Variants in DBF4B observed in about 807,000 individuals in gnomAD.
DBF4B encodes protein DBF4 homolog B.
Under a neutral mutation model 53.4 loss-of-function variants are expected in DBF4B, and 49 were observed. The ratio of observed to expected loss-of-function variants is 0.92; its 90% CI spans 0.73 to 1.16. The LOEUF (loss-of-function observed/expected upper bound fraction) is 1.16, where lower values mean the gene tolerates loss of function less well. Ranked by LOEUF, DBF4B falls within the 50% of genes most tolerant of loss-of-function variation. DBF4B has a pLI of 0.00. For synonymous variants in DBF4B, 257 were observed against 288.7 expected, an observed-to-expected ratio of 0.89 and a Z score of 1.11; for missense variants, 692 against 775.0, an observed-to-expected ratio of 0.89 and a Z score of 1.27.
chr17:44,723,955 C>A (rs1974070541), intron 3 of DBF4B, among the ~76,000 whole-genome samples: 1 of 151,898 alleles, frequency 6.6e-6, no homozygotes, highest in Non-Finnish European at 1.5e-5. Context: ...ACAAAACATA[C>A]AAAAAATTAA....
chr17:44,744,078 A>ACCCCCCCCC (rs1427135044), intron 10 of DBF4B, among the ~76,000 whole-genome samples: 1 of 12,072 alleles, frequency 8.3e-5, no homozygotes, highest in Non-Finnish European at 1.6e-4. Flanking sequence ...ACATAATGAG[A>ACCCCCCCCC]CCACCCCCCC....
rs900272099 is a variant in DBF4B, at chr17:44,738,283, T to C, written c.668-96T>C. ...CAGCTCTTGCAAGGCTCTTAGGCTT[T>C]GGCAGAGCCTTCCCTCTCAGCATTT... On this transcript the variant is annotated intron_variant, in intron 8 of 13. Transcript: ENST00000315005. The C allele has an allele frequency of 6.6e-6, 9 of 1,363,912 alleles. No homozygotes were observed. The African/African-American group carries it at 1.3e-4, about 20-fold the overall frequency. 84.5% of individuals were successfully genotyped at this position (1,363,912 alleles called of 1,614,324 possible). A position where few individuals can be genotyped will look rare whatever the true frequency, so the allele number is the denominator to read the frequency against.
chr17:44,741,521 C>A, intron 10 of DBF4B, 69 bp downstream of exon 10: 1 of 1,111,720 alleles, frequency 9.0e-7, no homozygotes, highest in Non-Finnish European at 1.3e-6. Flanking sequence ...CGGGGGCCTG[C>A]TGGTCAGATT....
At chr17:44,723,839 A>G (rs1399331228) in intron 3 of DBF4B, among the ~76,000 whole-genome samples, 7 of 152,280 alleles carry the variant, frequency 4.6e-5, no homozygotes, top group African/African-American at 1.7e-4. Flanking sequence ...GGCTGGGCAC[A>G]GTGGCTCATG....
At chr17:44,733,584 G>C (rs1975052636) in intron 6 of DBF4B, 1 of 154,176 alleles carries the variant, frequency 6.5e-6, no homozygotes, top group Admixed American at 6.4e-5. Flanking sequence ...ATCTTCCAGG[G>C]GAGTCTAGAG....
At chr17:44,740,330 A>G (rs1975878863) in intron 9 of DBF4B, among the ~76,000 whole-genome samples, 1 of 152,174 alleles carries the variant, frequency 6.6e-6, no homozygotes, top group African/African-American at 2.4e-5. Context: ...AACATGGACC[A>G]TTGCAACCAA....
chr17:44,730,940 C>T, intron 4 of DBF4B, 25 bp from the exon 5 acceptor site: 1 of 1,613,486 alleles, frequency 6.2e-7, no homozygotes, highest in Non-Finnish European at 8.5e-7. Context: ...AACAGCAGAC[C>T]TCACTGCTCT....
At chr17:44,738,462 G>T in intron 9 of DBF4B, 38 bp downstream of exon 9, 1 of 1,606,062 alleles carries the variant, frequency 6.2e-7, no homozygotes, top group East Asian at 2.2e-5. Flanking sequence ...CCCCAGCTAG[G>T]CCTGCACAGA....
chr17:44,740,700 TC>T (rs1311005367), intron 9 of DBF4B, among the ~76,000 whole-genome samples: 1 of 152,216 alleles, frequency 6.6e-6, no homozygotes, highest in Non-Finnish European at 1.5e-5. Context: ...TGGCTTCTGA[TC>T]TGACCTTGGC....
chr17:44,722,152 A>G (rs1344678355), intron 2 of DBF4B, among the ~76,000 whole-genome samples: 1 of 151,852 alleles, frequency 6.6e-6, no homozygotes, highest in African/African-American at 2.4e-5. Flanking sequence ...AAAAAAAAAA[A>G]AGGAAACGAC....
intron 3 of DBF4B, among the ~76,000 whole-genome samples, chr17:44,724,002 G>A (rs1974074201): frequency 6.6e-6 from 1 of 152,092 alleles, no homozygotes; most frequent in South Asian, 2.1e-4. Flanking sequence ...TTGGGAGGCT[G>A]AGGTAGGAGG....
intron 4 of DBF4B, among the ~76,000 whole-genome samples, chr17:44,730,374 T>A (rs150076011): frequency 5.3e-4 from 80 of 152,276 alleles, no homozygotes; most frequent in African/African-American, 1.7e-3. Context: ...AGAGAAGACG[T>A]GTTGGGATTG....
chr17:44,750,661 C>T lies in DBF4B; in HGVS notation c.1256C>T (p.Pro419Leu), dbSNP rs757346881. 6.2e-7 allele frequency: 1 copy of T among 1,614,060 alleles called. No individual in the cohort carries two copies. Among genetic ancestry groups the T allele is most frequent in the South Asian group, 1.1e-5 (1 of 91,086 alleles). ...TESLDGVMGP[P>L]ASHTCVSATT... ...TCACTAGATGGTGTGATGGGACCTC[C>T]TGCAAGTCACACATGTGTGAGTGCC... is the stretch of plus-strand genomic sequence containing the variant. The change falls in exon 14 of 14, where the codon CCT becomes CTT. Residue 419 changes from proline to leucine, a missense_variant. Physicochemically the swap from Pro to Leu is moderately conservative, Grantham distance 98. Around this residue, in one of 3 missense-constraint regions of DBF4B, gnomAD observed 597 missense variants for 665.8 expected, o/e 0.90. Transcript: ENST00000315005.
At chr17:44,716,480 A>G (rs554564516) in intron 2 of DBF4B, among the ~76,000 whole-genome samples, 70 of 152,204 alleles carry the variant, frequency 4.6e-4, no homozygotes, top group South Asian at 4.2e-3. Context: ...CCTGTGCCCA[A>G]TGTTCCTCTA....
chr17:44,730,133 C>T (rs1974710937), intron 4 of DBF4B, 37 bp downstream of exon 4: 3 of 1,596,508 alleles, frequency 1.9e-6, no homozygotes, highest in South Asian at 2.2e-5. Context: ...GCTGTGTAAA[C>T]AAAGGAAGTA....
intron 13 of DBF4B, 80 bp from the exon 14 acceptor site, chr17:44,750,515 A>G (rs1320075010): frequency 9.9e-6 from 15 of 1,510,834 alleles, no homozygotes; most frequent in Non-Finnish European, 1.3e-5. Context: ...GGTTCAGGAA[A>G]TGTAAATAAA....
chr17:44,709,434 A>G, intron 2 of DBF4B, 68 bp downstream of exon 2: 2 of 1,529,666 alleles, frequency 1.3e-6, no homozygotes, highest in Admixed American at 1.7e-5. Flanking sequence ...AGAAGACCGA[A>G]AAATGTTCCC....
At chr17:44,740,206 G>A (rs1975862883) in intron 9 of DBF4B, among the ~76,000 whole-genome samples, 1 of 152,204 alleles carries the variant, frequency 6.6e-6, no homozygotes, top group South Asian at 2.1e-4. Flanking sequence ...AGGGTTGTGA[G>A]GGGTACCCCC....
intron 6 of DBF4B, 122 bp from the exon 7 acceptor site, chr17:44,733,968 G>A (rs1446817851): frequency 2.6e-6 from 2 of 759,802 alleles, no homozygotes; most frequent in Admixed American, 4.2e-5. Flanking sequence ...GAAGGTGGCA[G>A]GCAAGGCTGG....
Sources: allele counts gnomAD v4.1 joint callset (sites outside exome capture counted in the v4.1 genomes callset), GRCh38; gene constraint gnomAD v4.1.1; regional missense constraint gnomAD v4.1.1; transcripts MANE v1.5; gene names NCBI Gene and HGNC (gene_info 2026-07-23, HGNC 2026-07-21).